MYOCD: variants seen among roughly 807,000 people sequenced by gnomAD.
MYOCD encodes the protein myocardin.
Under a neutral mutation model 96.1 loss-of-function variants are expected in MYOCD, and 32 were observed. The observed-to-expected ratio is 0.33, with a 90% CI of 0.25 to 0.45. The LOEUF (loss-of-function observed/expected upper bound fraction) is 0.45, where lower values mean the gene tolerates loss of function less well. Ranked by LOEUF, MYOCD falls within the 20% of genes least tolerant of loss-of-function variation. The pLI is 1.00. For synonymous variants in MYOCD, 469 were observed against 469.0 expected, an observed-to-expected ratio of 1.00 and a Z score of 0.00; for missense variants, 1,133 against 1,200.6, an observed-to-expected ratio of 0.94 and a Z score of 0.83.
At chr17:12,699,170 G>T (rs2030935377) in intron 1 of MYOCD, among the ~76,000 whole-genome samples, 1 of 151,906 alleles carries the variant, frequency 6.6e-6, no homozygotes, top group African/African-American at 2.4e-5. Flanking sequence ...TGTTGCCCAG[G>T]CTGGAGTGCA....
At chr17:12,680,927 C>T (rs1025374811) in intron 1 of MYOCD, among the ~76,000 whole-genome samples, 1 of 152,154 alleles carries the variant, frequency 6.6e-6, no homozygotes, top group Non-Finnish European at 1.5e-5. Flanking sequence ...TAGAGCACCC[C>T]AAGAACTATC....
intron 9 of MYOCD, among the ~76,000 whole-genome samples, chr17:12,749,506 G>A (rs1002657362): frequency 6.7e-6 from 1 of 149,734 alleles, no homozygotes; most frequent in Admixed American, 6.7e-5. Flanking sequence ...TCCAGCCTGG[G>A]TGACAGAGCG....
intron 1 of MYOCD, among the ~76,000 whole-genome samples, chr17:12,700,301 A>G (rs2031002727): frequency 6.7e-6 from 1 of 149,230 alleles, no homozygotes; most frequent in Admixed American, 6.7e-5. Context: ...TTTTGTTTCC[A>G]TTTCCACTGC....
chr17:12,760,618 TTGTC>T, intron 12 of MYOCD, 28 bp from the exon 13 acceptor site: 1 of 1,587,316 alleles, frequency 6.3e-7, no homozygotes, highest in Non-Finnish European at 8.7e-7. Context: ...ACCTTCTAAA[TTGTC>T]TGTCCTCCTT....
intron 4 of MYOCD, among the ~76,000 whole-genome samples, chr17:12,719,148 C>G (rs936038939): frequency 7.9e-6 from 1 of 126,586 alleles, no homozygotes; most frequent in Non-Finnish European, 1.6e-5. Flanking sequence ...GCACTCCAGC[C>G]GGGGCCACAG....
intron 1 of MYOCD, among the ~76,000 whole-genome samples, chr17:12,690,441 T>C (rs919131341): frequency 6.6e-6 from 1 of 151,988 alleles, no homozygotes; most frequent in Non-Finnish European, 1.5e-5. Flanking sequence ...GGAAAGAAAA[T>C]TAAGTTTACA....
At chr17:12,719,174 CAAAAAAAA>C (rs71144920) in intron 4 of MYOCD, among the ~76,000 whole-genome samples, 30 of 49,152 alleles carry the variant, frequency 6.1e-4, no homozygotes, top group African/African-American at 2.5e-3. Context: ...GACTCTGTCT[CAAAAAAAA>C]AAAAAAAAAA....
At position 12,752,739 on chromosome 17, in the gene MYOCD, T is replaced by C. The variant is rs887082292; in HGVS notation, c.1451T>C (p.Leu484Pro). 1.9e-6 allele frequency: 3 copies of C among 1,614,022 alleles called. No individual in the cohort carries two copies. In the African/African-American group the frequency reaches 4.0e-5, roughly 22 times the overall value. The change falls in exon 10 of 14, where the codon CTG becomes CCG. Residue 484 changes from leucine (L) to proline (P), a missense_variant. Physicochemically the swap from Leu to Pro is moderately conservative, Grantham distance 98. Coordinates refer to ENST00000425538, the MANE Select transcript of MYOCD (RefSeq NM_001146312.3). ...AATGATGCCTCCCCCTCCTTCGGCC[T>C]GCACCCGTCCCCAGTCCACGTGTGC... ...TFNDASPSFG[L>P]HPSPVHVCTE...
rs73977965 is a variant in MYOCD at position 12,736,122 on chromosome 17, C to T, written c.416-39C>T. 2.3e-3 allele frequency: 3,664 copies of T among 1,598,858 alleles called. 61 individuals carry two copies. In the African/African-American group the frequency reaches 0.041, roughly 18 times the overall value. ...TTTCCAAAAATGCCCTTTGATGCTC[C>T]TAAGCCACTGACCAAGTTCCTGGAT... On this transcript the variant is annotated intron_variant, in intron 5 of 13. Coordinates refer to ENST00000425538, the MANE Select transcript of MYOCD (RefSeq NM_001146312.3).
intron 13 of MYOCD, chr17:12,761,150 T>G (rs2033158537): frequency 6.3e-6 from 1 of 158,472 alleles, no homozygotes; most frequent in Non-Finnish European, 1.4e-5. Context: ...ATGTTATACA[T>G]GCTAGCAATA....
chr17:12,768,298 G>C lies in MYOCD; in HGVS notation c.*4654G>C, dbSNP rs970673694. 1.3e-5 allele frequency: 2 copies of C among 152,136 alleles called. No individual in the cohort carries two copies. Among genetic ancestry groups the C allele is most frequent in the Non-Finnish European group, 2.9e-5 (2 of 68,040 alleles). The allele number at this position is 152,136 out of a possible 1,614,324, so 9.4% of individuals were successfully genotyped here. Reference sequence around the variant, plus strand: ...CCCTGGCTAGATTGAGCCTACCCATGGGGAGACGATTTCAAGACAGGATGA... The same window carrying C: ...CCCTGGCTAGATTGAGCCTACCCATCGGGAGACGATTTCAAGACAGGATGA... On this transcript the variant is annotated 3_prime_UTR_variant, in exon 14 of 14. Coordinates refer to ENST00000425538, the MANE Select transcript of MYOCD (RefSeq NM_001146312.3).
intron 1 of MYOCD, among the ~76,000 whole-genome samples, chr17:12,675,335 A>G (rs1909952223): frequency 1.3e-5 from 2 of 152,214 alleles, no homozygotes; most frequent in Admixed American, 1.3e-4. Flanking sequence ...ATCACAGTTT[A>G]TAATGCCTAA....
chr17:12,732,922 G>A (rs1407626943), intron 5 of MYOCD, among the ~76,000 whole-genome samples: 2 of 152,112 alleles, frequency 1.3e-5, no homozygotes, highest in Non-Finnish European at 2.9e-5. Flanking sequence ...TGCCTTCTTT[G>A]TTCCTCAAAA....
intron 2 of MYOCD, among the ~76,000 whole-genome samples, chr17:12,715,095 C>T (rs944978927): frequency 2.0e-5 from 3 of 152,170 alleles, no homozygotes; most frequent in African/African-American, 7.2e-5. Context: ...CCCCACCCCA[C>T]AGACACAGAC....
At chr17:12,680,594 C>T (rs374960539) in intron 1 of MYOCD, among the ~76,000 whole-genome samples, 1 of 152,198 alleles carries the variant, frequency 6.6e-6, no homozygotes. Context: ...CCCCTCCCAC[C>T]GGCCCCGGGC....
At chr17:12,673,980 C>G (rs1909864250) in intron 1 of MYOCD, among the ~76,000 whole-genome samples, 1 of 152,080 alleles carries the variant, frequency 6.6e-6, no homozygotes, top group Non-Finnish European at 1.5e-5. Flanking sequence ...TCCATGTGGT[C>G]TGCTATTTAG....
chr17:12,757,716 A>T (rs1473800977), intron 11 of MYOCD, among the ~76,000 whole-genome samples: 2 of 151,428 alleles, frequency 1.3e-5, no homozygotes, highest in East Asian at 3.9e-4. Flanking sequence ...CTGCTCTCGA[A>T]CTCCTGACCT....
At position 12,738,623 on chromosome 17, in the gene MYOCD, C is replaced by T. The variant is rs527797218; in HGVS notation, c.592-580C>T. On this transcript the variant is annotated intron_variant, in intron 6 of 13. Coordinates refer to ENST00000425538, the MANE Select transcript of MYOCD (RefSeq NM_001146312.3). Reference sequence around the variant, plus strand: ...GCATGCACGTACACACATACATGCACATATAAACACTCAGACACACACTTG... The same window carrying T: ...GCATGCACGTACACACATACATGCATATATAAACACTCAGACACACACTTG... Among the ~76,000 whole-genome samples, 50 of 152,124 alleles carry T rather than the reference C, an allele frequency of 3.3e-4. No individual in the cohort carries two copies. In the East Asian group the frequency reaches 8.3e-3, roughly 25 times the overall value.
At chr17:12,667,622 C>A (rs1909446014) in intron 1 of MYOCD, among the ~76,000 whole-genome samples, 1 of 152,136 alleles carries the variant, frequency 6.6e-6, no homozygotes, top group Non-Finnish European at 1.5e-5. Flanking sequence ...TGCTTCCTTG[C>A]CAGTTTAAAT....
Sources: gnomAD v4.1 joint callset for allele counts (sites outside exome capture counted in the v4.1 genomes callset) on GRCh38, gnomAD v4.1.1 for gene constraint, MANE v1.5 for transcripts, NCBI Gene and HGNC (gene_info 2026-07-23, HGNC 2026-07-21) for gene names.